GRIN2B: variants seen among roughly 807,000 people sequenced by gnomAD.
The protein encoded by GRIN2B is glutamate ionotropic receptor NMDA type subunit 2B, also known as glutamate receptor ionotropic, NMDA 2B.
Under a neutral mutation model 114.5 loss-of-function variants are expected in GRIN2B, and 5 were observed. That is an observed-to-expected ratio of 0.04 (90% CI 0.02 to 0.09). The LOEUF (loss-of-function observed/expected upper bound fraction) is 0.09. Ranked by LOEUF, GRIN2B falls within the 10% of genes least tolerant of loss-of-function variation. The probability of loss-of-function intolerance (pLI) is 1.00; values close to 1 mark genes in which losing one functional copy is unlikely to be tolerated. For missense variants in GRIN2B, 1,108 were observed against 1,943.5 expected (o/e 0.57, Z 8.08); for synonymous variants, 787 against 745.1 (o/e 1.06, Z -0.92).
intron 4 of GRIN2B, among the ~76,000 whole-genome samples, chr12:13,752,897 TC>T (rs1348806492): frequency 6.6e-6 from 1 of 152,220 alleles, no homozygotes; most frequent in Non-Finnish European, 1.5e-5. Flanking sequence ...CCTGCATCTT[TC>T]TTTGCGATCA....
At chr12:13,573,558 A>G (rs6488611) in intron 10 of GRIN2B, among the ~76,000 whole-genome samples, 123,624 of 144,364 alleles carry the variant, frequency 0.86, 54,383 homozygotes, top group South Asian at 0.95. Flanking sequence ...TAGTAAACCC[A>G]CTCTCTAAGC....
chr12:13,800,537 C>A (rs925053838), intron 3 of GRIN2B, among the ~76,000 whole-genome samples: 1 of 152,078 alleles, frequency 6.6e-6, no homozygotes, highest in African/African-American at 2.4e-5. Flanking sequence ...GGTTATTAAC[C>A]ACGGTTTAAA....
At chr12:13,720,484 G>T (rs1463092306) in intron 4 of GRIN2B, among the ~76,000 whole-genome samples, 3 of 152,078 alleles carry the variant, frequency 2.0e-5, no homozygotes, top group African/African-American at 7.2e-5. Flanking sequence ...CACCAACAGT[G>T]CATTAAGCTA....
chr12:13,714,006 AG>A (rs1163056438), intron 4 of GRIN2B, among the ~76,000 whole-genome samples: 1 of 151,794 alleles, frequency 6.6e-6, no homozygotes, highest in South Asian at 2.1e-4. Context: ...TATTGTTTCT[AG>A]CCCTGTATTC....
At position 13,851,405 on chromosome 12, in the gene GRIN2B, A is replaced by T. The variant is rs561213951; in HGVS notation, c.411+14393T>A. On this transcript the variant is annotated intron_variant, in intron 3 of 13. Transcript: ENST00000609686. ...CATTCACTCAATGACATTGCACTGGAAACCATGATGAGAAATCTCACCAAA... is the reference window on the plus strand; with the variant it reads ...CATTCACTCAATGACATTGCACTGGTAACCATGATGAGAAATCTCACCAAA... 5.9e-5 allele frequency among the ~76,000 whole-genome samples: 9 copies of T among 152,244 alleles called. No individual in the cohort carries two copies. The South Asian group carries it at 1.9e-3, about 32-fold the overall frequency.
chr12:13,695,242 G>T (rs543131941), intron 4 of GRIN2B, among the ~76,000 whole-genome samples: 1 of 152,084 alleles, frequency 6.6e-6, no homozygotes, highest in Admixed American at 6.5e-5. Flanking sequence ...TACATCTTTC[G>T]CTCACCTATC....
At chr12:13,920,406 T>C (rs1047012627) in intron 2 of GRIN2B, among the ~76,000 whole-genome samples, 1 of 152,170 alleles carries the variant, frequency 6.6e-6, no homozygotes, top group African/African-American at 2.4e-5. Flanking sequence ...AGGAATAGAA[T>C]GGAAGTAGGG....
At chr12:13,751,553 G>T (rs1169874741) in intron 4 of GRIN2B, among the ~76,000 whole-genome samples, 1 of 152,124 alleles carries the variant, frequency 6.6e-6, no homozygotes, top group Non-Finnish European at 1.5e-5. Context: ...GTGGAACCAA[G>T]GGCATCTAGG....
At chr12:13,829,675 A>G (rs535081516) in intron 3 of GRIN2B, among the ~76,000 whole-genome samples, 10 of 152,324 alleles carry the variant, frequency 6.6e-5, no homozygotes, top group African/African-American at 2.4e-4. Flanking sequence ...TCCATTTCTA[A>G]GAGGGTGATG....
chr12:13,631,993 T>C (rs1288967502), intron 5 of GRIN2B, among the ~76,000 whole-genome samples: 1 of 152,212 alleles, frequency 6.6e-6, no homozygotes, highest in East Asian at 1.9e-4. Context: ...CTTGGGTTCA[T>C]GGCCAGACCA....
chr12:13,772,565 T>G (rs968022835), intron 3 of GRIN2B, among the ~76,000 whole-genome samples: 4 of 152,114 alleles, frequency 2.6e-5, no homozygotes, highest in African/African-American at 9.7e-5. Context: ...CATCATAATT[T>G]TACAATATAA....
chr12:13,962,121 C>T (rs1867704155), intron 2 of GRIN2B, among the ~76,000 whole-genome samples: 1 of 150,856 alleles, frequency 6.6e-6, no homozygotes, highest in East Asian at 2.0e-4. Flanking sequence ...CACACACACA[C>T]GTGCACGAAG....
chr12:13,835,324 C>T (rs1029698986), intron 3 of GRIN2B, among the ~76,000 whole-genome samples: 4 of 152,078 alleles, frequency 2.6e-5, no homozygotes, highest in South Asian at 2.1e-4. Flanking sequence ...AAAGCTGAGG[C>T]GCATGCACCC....
chr12:13,941,775 G>A (rs1408865502), intron 2 of GRIN2B, among the ~76,000 whole-genome samples: 1 of 152,214 alleles, frequency 6.6e-6, no homozygotes, highest in Non-Finnish European at 1.5e-5. Context: ...AGATCTACGT[G>A]TGTGCAAACC....
intron 5 of GRIN2B, among the ~76,000 whole-genome samples, chr12:13,672,960 C>T (rs953460341): frequency 5.9e-5 from 9 of 152,126 alleles, no homozygotes; most frequent in East Asian, 1.9e-4. Context: ...CTCATACATG[C>T]TACAAATATT....
At chr12:13,898,582 TGTTAC>T (rs1035090958) in intron 2 of GRIN2B, among the ~76,000 whole-genome samples, 4 of 152,206 alleles carry the variant, frequency 2.6e-5, no homozygotes, top group African/African-American at 9.6e-5. Flanking sequence ...CTTGTCTGCC[TGTTAC>T]ATTTCCTGGC....
chr12:13,607,155 TATATATATATAAAAAATATATATA>T lies in GRIN2B; in HGVS notation c.2010+1424_2010+1447del, dbSNP rs1179872044. ...AGGTACCATGCACTCAAAAAAAATA[TATATATATATAAAAAATATATATA>T]ATAAATATATAAAAAATATATATAA... is the stretch of plus-strand genomic sequence containing the variant. On this transcript the variant is annotated intron_variant, in intron 10 of 13. Transcript: ENST00000609686. 1.5e-3 allele frequency among the ~76,000 whole-genome samples: 177 copies of T among 121,350 alleles called. 3 individuals are homozygous for T. Among genetic ancestry groups the T allele is most frequent in the African/African-American group, 5.4e-3 (169 of 31,544 alleles). 79.6% of individuals were successfully genotyped at this position (121,350 alleles called of 152,430 possible). A position where few individuals can be genotyped will look rare whatever the true frequency, so the allele number is the denominator to read the frequency against.
rs1476588607 is a variant in GRIN2B, at chr12:13,540,149, T to A, written c.*22634A>T. On this transcript the variant is annotated 3_prime_UTR_variant, in exon 14 of 14. Transcript: ENST00000609686. ...AATTGGAAACCAACTGGGCAAGGGGTTTTTCCCAAACAGCACTTTTAACAA... is the reference window on the plus strand; with the variant it reads ...AATTGGAAACCAACTGGGCAAGGGGATTTTCCCAAACAGCACTTTTAACAA... 6.6e-6 allele frequency: 1 copy of A among 151,982 alleles called. No individual in the cohort carries two copies. The highest frequency in any genetic ancestry group is 2.4e-5 in the African/African-American group (1 of 41,362). 9.4% of individuals were successfully genotyped at this position (151,982 alleles called of 1,614,324 possible).
intron 3 of GRIN2B, among the ~76,000 whole-genome samples, chr12:13,780,960 T>A (rs559394196): frequency 6.6e-6 from 1 of 152,292 alleles, no homozygotes; most frequent in Non-Finnish European, 1.5e-5. Flanking sequence ...ATATTTTATT[T>A]TTCTTAAGGA....
Sources: allele counts gnomAD v4.1 joint callset (sites outside exome capture counted in the v4.1 genomes callset), GRCh38; gene constraint gnomAD v4.1.1; transcripts MANE v1.5; gene names NCBI Gene and HGNC (gene_info 2026-07-23, HGNC 2026-07-21).